Variants in RYR2 observed in about 807,000 individuals in gnomAD.
The protein encoded by RYR2 is ryanodine receptor 2, also known as cardiac muscle ryanodine receptor-calcium release channel.
RYR2 carries 227 observed loss-of-function variants against 601.1 expected under a neutral mutation model. The observed-to-expected ratio is 0.38, with a 90% CI of 0.34 to 0.42. The LOEUF (loss-of-function observed/expected upper bound fraction) is 0.42, where lower values mean the gene tolerates loss of function less well. RYR2 is among the 10% of genes least tolerant of loss of function. RYR2 has a pLI of 1.00. For synonymous variants in RYR2, 2,223 were observed against 2,175.1 expected, an observed-to-expected ratio of 1.02 and a Z score of -0.61; for missense variants, 4,646 against 6,156.5, an observed-to-expected ratio of 0.75 and a Z score of 8.21.
chr1:237,782,869 G>A (rs1394416340), intron 89 of RYR2, among the ~76,000 whole-genome samples: 2 of 152,114 alleles, frequency 1.3e-5, no homozygotes, highest in Non-Finnish European at 2.9e-5. Flanking sequence ...ATTAAGCCTG[G>A]ATTCAAACCC....
chr1:237,275,761 A>G (rs1447092299), intron 2 of RYR2, among the ~76,000 whole-genome samples: 2 of 152,214 alleles, frequency 1.3e-5, no homozygotes, highest in Non-Finnish European at 2.9e-5. Flanking sequence ...TTCACATACC[A>G]TATTAAAGAA....
Position 237,643,394 on chromosome 1 carries a change from G to A in RYR2, c.7289G>A (p.Gly2430Glu). The A allele has an allele frequency of 6.2e-7, 1 of 1,613,836 alleles. No individual in the cohort carries two copies. The highest frequency in any genetic ancestry group is 8.5e-7 in the Non-Finnish European group (1 of 1,179,846). The part of the protein sequence containing the change: ...RSILRSLIPL[G>E]DLVGVISIAF... ...ATTTTGAGATCCCTCATTCCCCTGG[G>A]AGATTTGGTGGGCGTTATCAGCATC... The change falls in exon 48 of 105, where the codon GGA (glycine) becomes GAA (glutamate). Residue 2430 changes from glycine to glutamate, a missense_variant. Coordinates refer to ENST00000366574, the MANE Select transcript of RYR2 (RefSeq NM_001035.3).
chr1:237,274,903 T>C (rs558110493), intron 2 of RYR2, among the ~76,000 whole-genome samples: 2 of 152,238 alleles, frequency 1.3e-5, no homozygotes, highest in South Asian at 4.1e-4. Context: ...CTAGGAGTAA[T>C]AGGCTATACC....
chr1:237,272,622 A>G (rs1479622627), intron 2 of RYR2, among the ~76,000 whole-genome samples: 4 of 149,110 alleles, frequency 2.7e-5, no homozygotes, highest in Non-Finnish European at 5.9e-5. Flanking sequence ...TATAATTTAT[A>G]TGTGTATATA....
At chr1:237,638,921 T>C (rs191414005) in intron 45 of RYR2, 94 bp from the exon 46 acceptor site, 14 of 1,406,926 alleles carry the variant, frequency 1.0e-5, no homozygotes, top group Middle Eastern at 2.5e-4. Context: ...GTTTTAGTTA[T>C]TCTTATACAT....
intron 1 of RYR2, among the ~76,000 whole-genome samples, chr1:237,187,433 G>A (rs71642886): frequency 0.1 from 13,010 of 124,346 alleles, 864 homozygotes; most frequent in Non-Finnish European, 0.15. Context: ...GAGCCAACAC[G>A]CCCGGCCGAC....
intron 10 of RYR2, among the ~76,000 whole-genome samples, chr1:237,399,920 G>C (rs2149922677): frequency 6.6e-6 from 1 of 152,210 alleles, no homozygotes; most frequent in East Asian, 1.9e-4. Context: ...CAAAAAAGTT[G>C]AGTTTGAGAA....
intron 88 of RYR2, among the ~76,000 whole-genome samples, chr1:237,779,615 A>G (rs1210324762): frequency 1.3e-5 from 2 of 152,220 alleles, no homozygotes; most frequent in African/African-American, 2.4e-5. Context: ...TGAAGAACCT[A>G]TCCCTCAGGC....
chr1:237,691,893 A>C (rs1686976563), intron 63 of RYR2, among the ~76,000 whole-genome samples: 1 of 152,196 alleles, frequency 6.6e-6, no homozygotes, highest in Non-Finnish European at 1.5e-5. Context: ...TATCCTTATC[A>C]TTTGCCATTT....
chr1:237,242,237 G>T (rs1686271855), intron 1 of RYR2, among the ~76,000 whole-genome samples: 1 of 149,088 alleles, frequency 6.7e-6, no homozygotes, highest in Non-Finnish European at 1.5e-5. Context: ...CCAGGTTTGG[G>T]GCAATAAAAT....
chr1:237,738,850 G>A (rs1417077487), intron 79 of RYR2, among the ~76,000 whole-genome samples: 1 of 151,994 alleles, frequency 6.6e-6, no homozygotes, highest in Non-Finnish European at 1.5e-5. Context: ...AGAGCTACAG[G>A]GTGTACCCAT....
intron 1 of RYR2, among the ~76,000 whole-genome samples, chr1:237,224,552 A>G (rs925672906): frequency 5.3e-5 from 8 of 152,178 alleles, no homozygotes; most frequent in Non-Finnish European, 7.3e-5. Flanking sequence ...GAGTCTTTAC[A>G]TATGTTAATA....
At chr1:237,729,177 T>C (rs1183955335) in intron 76 of RYR2, among the ~76,000 whole-genome samples, 1 of 152,080 alleles carries the variant, frequency 6.6e-6, no homozygotes, top group Non-Finnish European at 1.5e-5. Context: ...TTCCATCCTC[T>C]CCAAAATGTC....
At chr1:237,254,272 G>A (rs1400350226) in intron 1 of RYR2, among the ~76,000 whole-genome samples, 2 of 152,078 alleles carry the variant, frequency 1.3e-5, no homozygotes, top group Non-Finnish European at 2.9e-5. Context: ...TACACTTGCT[G>A]AAGGTCATTG....
chr1:237,418,010 A>C (rs1705181923), intron 11 of RYR2, among the ~76,000 whole-genome samples: 1 of 152,092 alleles, frequency 6.6e-6, no homozygotes, highest in African/African-American at 2.4e-5. Flanking sequence ...AATGAGGGCT[A>C]TCTTACTCTA....
intron 14 of RYR2, among the ~76,000 whole-genome samples, chr1:237,450,799 C>T (rs184215981): frequency 7.0e-4 from 107 of 152,280 alleles, no homozygotes; most frequent in African/African-American, 2.4e-3. Flanking sequence ...ATGTCTCTCC[C>T]TTGTGATCAC....
intron 43 of RYR2, among the ~76,000 whole-genome samples, chr1:237,634,630 G>A (rs1310075367): frequency 1.3e-5 from 2 of 152,200 alleles, no homozygotes; most frequent in Admixed American, 6.5e-5. Flanking sequence ...AAAAGTGTAT[G>A]TGAGGTAATA....
intron 19 of RYR2, among the ~76,000 whole-genome samples, chr1:237,495,011 G>T (rs559336555): frequency 6.6e-6 from 1 of 152,026 alleles, no homozygotes; most frequent in Non-Finnish European, 1.5e-5. Flanking sequence ...GCCTGGTCTC[G>T]AACTCCTGAC....
intron 27 of RYR2, among the ~76,000 whole-genome samples, chr1:237,558,910 G>C (rs1021452983): frequency 4.6e-5 from 7 of 151,894 alleles, no homozygotes; most frequent in African/African-American, 1.7e-4. Context: ...TTCAGGTACT[G>C]TGCTTATCAA....
Sources: gnomAD v4.1 joint callset for allele counts (sites outside exome capture counted in the v4.1 genomes callset) on GRCh38, gnomAD v4.1.1 for gene constraint, MANE v1.5 for transcripts, NCBI Gene and HGNC (gene_info 2026-07-23, HGNC 2026-07-21) for gene names.